The following NFASC variants were observed in gnomAD, a reference collection of about 807,000 sequenced individuals.
The protein encoded by NFASC is neurofascin.
NFASC carries 43 observed loss-of-function variants against 147.5 expected under a neutral mutation model. The observed-to-expected ratio is 0.29, with a 90% CI of 0.23 to 0.38. The LOEUF (loss-of-function observed/expected upper bound fraction) is 0.38, where lower values mean the gene tolerates loss of function less well. Among genes scored for constraint, NFASC ranks in the 10% least tolerant of loss-of-function variants. The pLI is 1.00. For missense variants in NFASC, 1,320 were observed against 1,689.0 expected, an observed-to-expected ratio of 0.78 and a Z score of 3.83; for synonymous variants, 622 against 665.5, an observed-to-expected ratio of 0.93 and a Z score of 1.01.
chr1:204,906,511 C>T (rs1319689103), intron 1 of NFASC, among the ~76,000 whole-genome samples: 4 of 152,162 alleles, frequency 2.6e-5, no homozygotes, highest in Admixed American at 6.5e-5. Context: ...GCCTCTAACT[C>T]GCTGCGTGTA....
chr1:204,962,131 T>A, intron 8 of NFASC: 4 of 1,613,858 alleles, frequency 2.5e-6, no homozygotes, highest in Non-Finnish European at 3.4e-6. Context: ...TGACTCGTCC[T>A]TAAGAAACCA....
At chr1:204,914,340 G>A (rs2149363162) in intron 1 of NFASC, among the ~76,000 whole-genome samples, 1 of 152,280 alleles carries the variant, frequency 6.6e-6, no homozygotes, top group Admixed American at 6.5e-5. Flanking sequence ...TCCATGCTAT[G>A]CTCATAATGG....
chr1:204,863,740 C>T (rs551452311), intron 1 of NFASC, among the ~76,000 whole-genome samples: 3 of 150,676 alleles, frequency 2.0e-5, no homozygotes, highest in African/African-American at 2.4e-5. Context: ...TCCCACTACT[C>T]GGGAGCCTGA....
intron 1 of NFASC, among the ~76,000 whole-genome samples, chr1:204,903,074 C>CTT (rs2085012511): frequency 6.6e-6 from 1 of 152,208 alleles, no homozygotes; most frequent in African/African-American, 2.4e-5. Context: ...AGAATTATGT[C>CTT]TTTGCTTCAG....
chr1:204,963,908 T>A (rs1356870762), intron 8 of NFASC, among the ~76,000 whole-genome samples: 1 of 152,242 alleles, frequency 6.6e-6, no homozygotes, highest in Non-Finnish European at 1.5e-5. Context: ...GGCACGTCTC[T>A]TTTGTAGCAG....
intron 1 of NFASC, among the ~76,000 whole-genome samples, chr1:204,887,772 A>AT (rs1267097910): frequency 6.6e-6 from 1 of 151,024 alleles, no homozygotes; most frequent in African/African-American, 2.4e-5. Context: ...AATTTTTTAT[A>AT]TTTTTTGTAG....
intron 24 of NFASC, among the ~76,000 whole-genome samples, chr1:204,991,860 A>G (rs2095744234): frequency 2.6e-5 from 4 of 152,238 alleles, no homozygotes; most frequent in Admixed American, 1.3e-4. Flanking sequence ...AAGCATGTCC[A>G]TGGATAGGGC....
chr1:204,938,862 T>C (rs2625217), intron 2 of NFASC, among the ~76,000 whole-genome samples: 26,055 of 152,166 alleles, frequency 0.17, 3,034 homozygotes, highest in African/African-American at 0.33. Context: ...CGGGAATCTG[T>C]ATGTTTGAAG....
At chr1:205,006,660 A>G (rs933232562) in intron 27 of NFASC, among the ~76,000 whole-genome samples, 3 of 152,214 alleles carry the variant, frequency 2.0e-5, no homozygotes, top group African/African-American at 7.2e-5. Context: ...CATTGTATCC[A>G]CAGGAAGTGG....
At position 204,898,521 on chromosome 1, in the gene NFASC, G is replaced by A. The variant is rs543580967; in HGVS notation, c.-199-22111G>A. On this transcript the variant is annotated intron_variant, in intron 1 of 29. Transcript: ENST00000339876. Reference sequence around the variant, plus strand: ...TTTTTATTTTTCTTATCATTAAAGTGTAAGAGGAAGCATGAAGCAATGGAT... The same window carrying A: ...TTTTTATTTTTCTTATCATTAAAGTATAAGAGGAAGCATGAAGCAATGGAT... Among the ~76,000 whole-genome samples, 41 of 152,334 alleles carry A rather than the reference G, an allele frequency of 2.7e-4. No homozygotes were observed. In the South Asian group the frequency reaches 8.3e-3, roughly 31 times the overall value.
At chr1:204,929,117 A>G (rs972282861) in intron 2 of NFASC, among the ~76,000 whole-genome samples, 2 of 85,698 alleles carry the variant, frequency 2.3e-5, no homozygotes, top group Admixed American at 1.5e-4. Context: ...CCTCCACCCC[A>G]TCCCCAGGAG....
At chr1:204,996,285 AG>A (rs1395708087) in intron 24 of NFASC, among the ~76,000 whole-genome samples, 7 of 152,182 alleles carry the variant, frequency 4.6e-5, no homozygotes, top group African/African-American at 1.4e-4. Flanking sequence ...AAAGAAGCCC[AG>A]CATGCGCCTC....
At chr1:204,862,678 A>T (rs1308491679) in intron 1 of NFASC, among the ~76,000 whole-genome samples, 1 of 152,190 alleles carries the variant, frequency 6.6e-6, no homozygotes, top group African/African-American at 2.4e-5. Flanking sequence ...GGCTTGGAAC[A>T]AGCATCTCAT....
chr1:204,968,181 C>A lies in NFASC; in HGVS notation c.707-68C>A. 8.8e-7 allele frequency: 1 copy of A among 1,132,464 alleles called. No homozygotes were observed. Among genetic ancestry groups the A allele is most frequent in the South Asian group, 1.3e-5 (1 of 79,724 alleles). The allele number at this position is 1,132,464 out of a possible 1,614,324, so 70.2% of individuals were successfully genotyped here. On this transcript the variant is annotated intron_variant, in intron 8 of 29. Coordinates refer to ENST00000339876, the MANE Select transcript of NFASC (RefSeq NM_001005388.3). The surrounding 1 kb of genome is among the most constrained non-coding windows in gnomAD (Gnocchi z 5.4). ...GTGATGCCACTTCTCTCTAGCCTGA[C>A]AGCGTTGGCCTAGTGGGGTCTGCCT...
intron 1 of NFASC, among the ~76,000 whole-genome samples, chr1:204,894,165 C>A (rs2082949595): frequency 6.6e-6 from 1 of 152,208 alleles, no homozygotes; most frequent in African/African-American, 2.4e-5. Context: ...TCTGCTGTAT[C>A]TTTGGCAGAG....
chr1:204,970,895 C>G (rs2095224528), intron 11 of NFASC, 148 bp downstream of exon 11: 3 of 955,922 alleles, frequency 3.1e-6, no homozygotes, highest in Non-Finnish European at 3.2e-6. Context: ...CCCATCTCTT[C>G]AGACATCTCA....
rs762480492 is a variant in NFASC, at chr1:204,997,290, C to T, written c.2903C>T (p.Pro968Leu). The T allele has an allele frequency of 3.1e-6, 5 of 1,608,862 alleles. No homozygotes were observed. The highest frequency in any genetic ancestry group is 4.2e-6 in the Non-Finnish European group (5 of 1,177,662). The part of the protein sequence containing the change: ...TTVPIIPTVA[P>L]TTIATTTTVA... ...GTCCCCATCATCCCAACTGTCGCACCTACCACCATCGCCACCACCACCACC... is the reference window on the plus strand; with the variant it reads ...GTCCCCATCATCCCAACTGTCGCACTTACCACCATCGCCACCACCACCACC... The change falls in exon 25 of 30, where the codon CCT becomes CTT. Residue 968 changes from proline to leucine, a missense_variant. By Grantham distance (98) the Pro-to-Leu change is moderately conservative. Around this residue, in one of 3 missense-constraint regions of NFASC, gnomAD observed 172 missense variants for 165.8 expected, o/e 1.04. Transcript: ENST00000339876.
intron 8 of NFASC, among the ~76,000 whole-genome samples, chr1:204,960,178 C>T (rs1213648044): frequency 2.0e-5 from 3 of 152,224 alleles, no homozygotes; most frequent in Non-Finnish European, 4.4e-5. Flanking sequence ...TTCAAAGGCC[C>T]TATTCTCACC....
intron 1 of NFASC, among the ~76,000 whole-genome samples, chr1:204,908,930 G>T (rs1357845809): frequency 6.6e-6 from 1 of 151,992 alleles, no homozygotes; most frequent in Non-Finnish European, 1.5e-5. Flanking sequence ...CCTTCTTATT[G>T]CTGAGTAGTG....
Sources: allele counts gnomAD v4.1 joint callset (sites outside exome capture counted in the v4.1 genomes callset), GRCh38; gene constraint gnomAD v4.1.1; regional missense constraint gnomAD v4.1.1; non-coding constraint Gnocchi (gnomAD v3.1); transcripts MANE v1.5; gene names NCBI Gene and HGNC (gene_info 2026-07-23, HGNC 2026-07-21).